AUTS2: variants seen among roughly 807,000 people sequenced by gnomAD.
AUTS2 encodes autism susceptibility gene 2 protein.
Under a neutral mutation model 112.4 loss-of-function variants are expected in AUTS2, and 17 were observed. That is an observed-to-expected ratio of 0.15 (90% CI 0.10 to 0.23). The LOEUF is 0.23. Among genes scored for constraint, AUTS2 ranks in the 10% least tolerant of loss-of-function variants. The pLI is 1.00. For synonymous variants in AUTS2, 751 were observed against 702.7 expected (o/e 1.07, Z -1.09); for missense variants, 1,510 against 1,701.6 (o/e 0.89, Z 1.98).
intron 4 of AUTS2, among the ~76,000 whole-genome samples, chr7:70,320,538 A>G (rs374211125): frequency 6.6e-6 from 1 of 152,236 alleles, no homozygotes; most frequent in Non-Finnish European, 1.5e-5. Flanking sequence ...TTATCCATTT[A>G]GCAAACATTT....
rs374615421 is a variant in AUTS2 at position 69,615,475 on chromosome 7, G to A, written c.309+15513G>A. On this transcript the variant is annotated intron_variant, in intron 1 of 18. Transcript: ENST00000342771. ...CCACCACCACACCTGGCTAATTTTT[G>A]TATTTTTAGTAGAGACAGGATTTCT... Among the ~76,000 whole-genome samples, 58 of 152,092 alleles carry A rather than the reference G, an allele frequency of 3.8e-4. 1 individual carries two copies. In the South Asian group the frequency reaches 0.011, roughly 29 times the overall value.
At chr7:70,704,708 G>A (rs997591173) in intron 6 of AUTS2, among the ~76,000 whole-genome samples, 1 of 152,318 alleles carries the variant, frequency 6.6e-6, no homozygotes, top group African/African-American at 2.4e-5. Flanking sequence ...TCAATCACGC[G>A]GGCCAACCCC....
chr7:70,740,675 T>G (rs752173927), intron 6 of AUTS2, among the ~76,000 whole-genome samples: 3 of 152,110 alleles, frequency 2.0e-5, no homozygotes, highest in Non-Finnish European at 4.4e-5. Context: ...TTTATCGTAC[T>G]TATTTGAATA....
chr7:70,163,341 T>TGGGGGGGGGGGGGGG (rs200344668), intron 4 of AUTS2, among the ~76,000 whole-genome samples: 1 of 2,762 alleles, frequency 3.6e-4, no homozygotes, highest in African/African-American at 8.9e-4. Flanking sequence ...TAGGTTGTGG[T>TGGGGGGGGGGGGGGG]GGTGGGGGGG....
intron 5 of AUTS2, among the ~76,000 whole-genome samples, chr7:70,453,829 G>A (rs188058766): frequency 3.9e-5 from 6 of 152,272 alleles, no homozygotes; most frequent in African/African-American, 7.2e-5. Flanking sequence ...ATCTCACTTC[G>A]GGATTCTTAA....
At chr7:69,914,239 G>C (rs540175061) in intron 2 of AUTS2, among the ~76,000 whole-genome samples, 4 of 151,934 alleles carry the variant, frequency 2.6e-5, no homozygotes, top group Non-Finnish European at 5.9e-5. Flanking sequence ...AATTAAAGTT[G>C]AGTGGTTTGA....
At chr7:70,575,249 T>C (rs1802110926) in intron 5 of AUTS2, among the ~76,000 whole-genome samples, 1 of 152,206 alleles carries the variant, frequency 6.6e-6, no homozygotes, top group South Asian at 2.1e-4. Context: ...AAAGCCAGCC[T>C]GTGCCAATGT....
chr7:70,216,172 C>T (rs1562793075), intron 4 of AUTS2, among the ~76,000 whole-genome samples: 2 of 152,130 alleles, frequency 1.3e-5, no homozygotes, highest in South Asian at 2.1e-4. Context: ...GTTCAGTCCT[C>T]CCCATACCTC....
At chr7:70,147,589 G>A (rs962858301) in intron 4 of AUTS2, among the ~76,000 whole-genome samples, 1 of 152,054 alleles carries the variant, frequency 6.6e-6, no homozygotes, top group Non-Finnish European at 1.5e-5. Flanking sequence ...TGAAGCACAT[G>A]TTTTCCTATT....
intron 1 of AUTS2, among the ~76,000 whole-genome samples, chr7:69,808,318 T>C (rs1379168962): frequency 6.6e-6 from 1 of 152,188 alleles, no homozygotes; most frequent in Non-Finnish European, 1.5e-5. Flanking sequence ...AATCAAACTC[T>C]CTGGGTATAG....
intron 4 of AUTS2, among the ~76,000 whole-genome samples, chr7:70,329,721 C>T (rs532221896): frequency 6.6e-6 from 1 of 151,074 alleles, no homozygotes; most frequent in East Asian, 1.9e-4. Context: ...TGTCTTTTCA[C>T]TTTCTTGATA....
intron 2 of AUTS2, among the ~76,000 whole-genome samples, chr7:70,007,913 T>A (rs1348482764): frequency 6.6e-6 from 1 of 152,240 alleles, no homozygotes; most frequent in Non-Finnish European, 1.5e-5. Flanking sequence ...ATGTTTTACC[T>A]TTATAGGTGT....
At chr7:69,935,624 G>C (rs1466317769) in intron 2 of AUTS2, among the ~76,000 whole-genome samples, 1 of 152,058 alleles carries the variant, frequency 6.6e-6, no homozygotes, top group Non-Finnish European at 1.5e-5. Context: ...GAAGGTCTAA[G>C]GTTTTCAGCT....
chr7:69,953,795 A>T (rs1312690616), intron 2 of AUTS2, among the ~76,000 whole-genome samples: 1 of 152,186 alleles, frequency 6.6e-6, no homozygotes, highest in Non-Finnish European at 1.5e-5. Context: ...TTGCTGAGGA[A>T]GAGGTCTGAA....
At chr7:70,504,157 T>C (rs1563000480) in intron 5 of AUTS2, among the ~76,000 whole-genome samples, 1 of 151,948 alleles carries the variant, frequency 6.6e-6, no homozygotes, top group Non-Finnish European at 1.5e-5. Flanking sequence ...CATAGATTTG[T>C]TGTCAATTAA....
At chr7:70,538,479 G>A (rs1303527759) in intron 5 of AUTS2, among the ~76,000 whole-genome samples, 4 of 152,110 alleles carry the variant, frequency 2.6e-5, no homozygotes, top group Admixed American at 6.5e-5. Flanking sequence ...GCAGTGATCC[G>A]AGATGGCACT....
chr7:69,749,974 A>C (rs1787666311), intron 1 of AUTS2, among the ~76,000 whole-genome samples: 1 of 152,228 alleles, frequency 6.6e-6, no homozygotes, highest in Non-Finnish European at 1.5e-5. Flanking sequence ...TGAACAGACA[A>C]CTTGAGAAGT....
At chr7:69,655,576 A>G (rs1305157807) in intron 1 of AUTS2, among the ~76,000 whole-genome samples, 1 of 152,176 alleles carries the variant, frequency 6.6e-6, no homozygotes, top group African/African-American at 2.4e-5. Flanking sequence ...CCTCCAGGTG[A>G]TTCTGATGGA....
intron 1 of AUTS2, among the ~76,000 whole-genome samples, chr7:69,619,221 A>AT (rs1198171021): frequency 1.3e-5 from 2 of 152,150 alleles, no homozygotes; most frequent in African/African-American, 4.8e-5. Flanking sequence ...TCAGCACCTT[A>AT]TGAGGCAAGC....
Sources: allele counts gnomAD v4.1 joint callset (sites outside exome capture counted in the v4.1 genomes callset), GRCh38; gene constraint gnomAD v4.1.1; transcripts MANE v1.5; gene names NCBI Gene and HGNC (gene_info 2026-07-23, HGNC 2026-07-21).